The following SIN3A variants were observed in gnomAD, a reference collection of about 807,000 sequenced individuals.
The protein encoded by SIN3A is SIN3 transcription regulator family member A.
A neutral mutation model predicts 146.1 loss-of-function variants in SIN3A; 14 were observed. That is an observed-to-expected ratio of 0.10 (90% CI 0.06 to 0.15). The LOEUF is 0.15. SIN3A is among the 10% of genes least tolerant of loss of function. The probability of loss-of-function intolerance (pLI) is 1.00; values close to 1 mark genes in which losing one functional copy is unlikely to be tolerated. For missense variants in SIN3A, 1,028 were observed against 1,576.0 expected (o/e 0.65, Z 5.89); for synonymous variants, 572 against 572.0 (o/e 1.00, Z 0.00).
chr15:75,397,455 T>C (rs2073326279), intron 12 of SIN3A, among the ~76,000 whole-genome samples: 1 of 152,172 alleles, frequency 6.6e-6, no homozygotes, highest in African/African-American at 2.4e-5. Context: ...AGGTGTGAGA[T>C]CATTCCAAGC....
chr15:75,441,985 T>G (rs1244727179), intron 1 of SIN3A, among the ~76,000 whole-genome samples: 1 of 151,532 alleles, frequency 6.6e-6, no homozygotes, highest in Non-Finnish European at 1.5e-5. Flanking sequence ...CTGGGTGCAG[T>G]GGCACGCACC....
chr15:75,426,190 C>G (rs2073922383), intron 2 of SIN3A, among the ~76,000 whole-genome samples: 1 of 152,132 alleles, frequency 6.6e-6, no homozygotes, highest in Non-Finnish European at 1.5e-5. Flanking sequence ...AGTAATCACC[C>G]AAGGTAAACA....
intron 2 of SIN3A, among the ~76,000 whole-genome samples, chr15:75,427,719 C>T (rs974301717): frequency 7.2e-5 from 11 of 151,802 alleles, no homozygotes; most frequent in South Asian, 4.2e-4. Flanking sequence ...CCTGTAATCC[C>T]GGTACTTTGG....
chr15:75,437,834 GAAGACTAAATA>G (rs2074133086), intron 1 of SIN3A, among the ~76,000 whole-genome samples: 1 of 152,156 alleles, frequency 6.6e-6, no homozygotes, highest in African/African-American at 2.4e-5. Context: ...ACTATGGAGA[GAAGACTAAATA>G]ATGGCAGCAG....
chr15:75,422,327 C>T, intron 3 of SIN3A: 1 of 593,612 alleles, frequency 1.7e-6, no homozygotes, highest in Non-Finnish European at 3.0e-6. Flanking sequence ...TATATGTGCT[C>T]AATAGAGAGT....
chr15:75,415,846 G>A (rs1259986450), intron 3 of SIN3A: 3 of 169,034 alleles, frequency 1.8e-5, no homozygotes, highest in Non-Finnish European at 2.4e-5. Context: ...AGTGAAACTC[G>A]GTCTCAGGAA....
intron 15 of SIN3A, among the ~76,000 whole-genome samples, chr15:75,391,084 CT>C (rs1446551325): frequency 6.6e-6 from 1 of 152,206 alleles, no homozygotes; most frequent in African/African-American, 2.4e-5. Context: ...AAAGAGGCAA[CT>C]GGCTTGAGTT....
At chr15:75,381,466 G>T in intron 18 of SIN3A, 147 bp downstream of exon 18, 1 of 630,648 alleles carries the variant, frequency 1.6e-6, no homozygotes, top group Non-Finnish European at 2.8e-6. Context: ...GACATGGCTG[G>T]ATTGACTTGT....
intron 11 of SIN3A, 23 bp from the exon 12 acceptor site, chr15:75,400,179 T>C: frequency 2.9e-6 from 4 of 1,375,510 alleles, no homozygotes; most frequent in African/African-American, 1.4e-5. Flanking sequence ...GAAGAGAGAC[T>C]GAAACAAAAG....
chr15:75,424,683 C>T (rs1373302395), intron 2 of SIN3A, among the ~76,000 whole-genome samples: 2 of 152,112 alleles, frequency 1.3e-5, no homozygotes, highest in African/African-American at 4.8e-5. Flanking sequence ...ACATGTTGCC[C>T]AGGCTGGTCT....
upstream of SIN3A, among the ~76,000 whole-genome samples, chr15:75,452,786 G>A (rs1348555818): frequency 6.6e-6 from 1 of 152,176 alleles, no homozygotes; most frequent in African/African-American, 2.4e-5. Context: ...ACCAAAACAG[G>A]CCACGGCATA....
intron 20 of SIN3A, among the ~76,000 whole-genome samples, chr15:75,374,098 A>C (rs1238004813): frequency 2.6e-5 from 4 of 152,276 alleles, no homozygotes; most frequent in Non-Finnish European, 2.9e-5. Context: ...GCAAAACAAA[A>C]CAAACCAAAA....
Position 75,411,718 on chromosome 15 carries a change from G to A in SIN3A, c.782C>T (p.Pro261Leu), listed in dbSNP as rs776384403. 19 of 1,606,178 alleles carry A rather than the reference G, an allele frequency of 1.2e-5. No individual in the cohort carries two copies. The highest frequency in any genetic ancestry group is 3.3e-5 in the South Asian group (3 of 90,208). ...AAGTGGGGGAGTCTGCTGACTGGCC[G>A]GAGTATGTGCTTGCAGTTGGGAGGG... The part of the protein sequence containing the change: ...SKPSQLQAHT[P>L]ASQQTPPLPP... Residue 261 changes from proline to leucine, a missense_variant, in exon 6 of 21, where the codon CCG becomes CTG. Pro to Leu is a moderately conservative substitution (Grantham distance 98). Around this residue, in one of 9 missense-constraint regions of SIN3A, gnomAD observed 112 missense variants for 135.7 expected, o/e 0.83. Coordinates refer to ENST00000394947, the MANE Select transcript of SIN3A (RefSeq NM_001145358.2).
chr15:75,400,061 A>G lies in SIN3A; in HGVS notation c.1833T>C (p.Arg611=), dbSNP rs766027218. The G allele has an allele frequency of 2.5e-6, 4 of 1,605,216 alleles. No homozygotes were observed. Among genetic ancestry groups the G allele is most frequent in the South Asian group, 2.2e-5 (2 of 90,848 alleles). ...KKTQYEEHIY[R]CEDERFELDV... ...GTACCTCAAAGCGTTCATCTTCACA[A>G]CGATAAATATGTTCTTCATATTGAG... The change falls in exon 12 of 21, where the codon CGT becomes CGC. Residue 611 remains arginine, a synonymous_variant. Coordinates refer to ENST00000394947, the MANE Select transcript of SIN3A (RefSeq NM_001145358.2).
intron 6 of SIN3A, 137 bp from the exon 7 acceptor site, chr15:75,410,423 CCA>C: frequency 1.3e-6 from 1 of 761,506 alleles, no homozygotes; most frequent in Admixed American, 3.2e-5. Flanking sequence ...CCCGTTCTGA[CCA>C]CAGACTTTCA....
intron 1 of SIN3A, among the ~76,000 whole-genome samples, chr15:75,441,576 C>A (rs977873537): frequency 1.3e-5 from 2 of 152,122 alleles, no homozygotes; most frequent in African/African-American, 4.8e-5. Flanking sequence ...TATACCACTA[C>A]ACTTGGCTTC....
At chr15:75,383,319 C>CTT (rs1339626602) in intron 17 of SIN3A, among the ~76,000 whole-genome samples, 5 of 151,246 alleles carry the variant, frequency 3.3e-5, no homozygotes, top group African/African-American at 1.2e-4. Context: ...AGTATAAACT[C>CTT]TTTCAAAATA....
chr15:75,410,386 G>A (rs1303808715), intron 6 of SIN3A, 100 bp from the exon 7 acceptor site: 1 of 1,197,800 alleles, frequency 8.3e-7, no homozygotes, highest in African/African-American at 1.5e-5. Flanking sequence ...TAGGCTGCAT[G>A]TAAGAAGAAA....
chr15:75,384,183 C>G, intron 17 of SIN3A, 81 bp downstream of exon 17: 1 of 1,181,742 alleles, frequency 8.5e-7, no homozygotes, highest in Non-Finnish European at 1.2e-6. Context: ...CAAAGTACCC[C>G]GGCTTTAACT....
Sources: allele counts gnomAD v4.1 joint callset (sites outside exome capture counted in the v4.1 genomes callset), GRCh38; gene constraint gnomAD v4.1.1; regional missense constraint gnomAD v4.1.1; transcripts MANE v1.5; gene names NCBI Gene and HGNC (gene_info 2026-07-23, HGNC 2026-07-21).